PCDH15: variants seen among roughly 807,000 people sequenced by gnomAD.
The protein encoded by PCDH15 is protocadherin-15.
Under a neutral mutation model 178.5 loss-of-function variants are expected in PCDH15, and 129 were observed. The observed-to-expected ratio is 0.72, with a 90% CI of 0.63 to 0.84. PCDH15 has a LOEUF of 0.84. PCDH15 is among the 40% of genes least tolerant of loss of function. The pLI is 0.00. For missense variants in PCDH15, 2,230 were observed against 2,099.9 expected (o/e 1.06, Z -1.21); for synonymous variants, 800 against 732.0 (o/e 1.09, Z -1.50).
intron 28 of PCDH15, among the ~76,000 whole-genome samples, chr10:53,842,604 C>T (rs1487009785): frequency 6.6e-6 from 1 of 152,022 alleles, no homozygotes; most frequent in African/African-American, 2.4e-5. Flanking sequence ...AATGTGCATT[C>T]GGTGAAATAA....
chr10:55,222,504 T>G (rs531540985), intron 1 of PCDH15, among the ~76,000 whole-genome samples: 45 of 152,032 alleles, frequency 3.0e-4, no homozygotes, highest in Non-Finnish European at 4.9e-4. Flanking sequence ...CTTTTTATTT[T>G]TATTAACGTT....
At chr10:54,268,997 T>A (rs2057878472) in intron 8 of PCDH15, among the ~76,000 whole-genome samples, 1 of 151,804 alleles carries the variant, frequency 6.6e-6, no homozygotes, top group Non-Finnish European at 1.5e-5. Context: ...CTTTCAAAGA[T>A]CCTTAAAACA....
chr10:53,855,023 TTTTC>T (rs1184029088), intron 28 of PCDH15, among the ~76,000 whole-genome samples: 1 of 152,052 alleles, frequency 6.6e-6, no homozygotes, highest in Non-Finnish European at 1.5e-5. Flanking sequence ...ACTTTTGCTA[TTTTC>T]TTTTTCAGTT....
intron 2 of PCDH15, among the ~76,000 whole-genome samples, chr10:55,114,808 T>A (rs1323089742): frequency 6.6e-6 from 1 of 152,216 alleles, no homozygotes; most frequent in Non-Finnish European, 1.5e-5. Context: ...ATCTCCAAGC[T>A]ATTTTAAAAG....
intron 14 of PCDH15, among the ~76,000 whole-genome samples, chr10:54,148,784 C>A (rs1322303402): frequency 6.6e-6 from 1 of 151,158 alleles, no homozygotes; most frequent in Non-Finnish European, 1.5e-5. Context: ...CCTAACATAC[C>A]CAGTTCAAAA....
At chr10:54,612,542 G>C (rs1306419966) in intron 2 of PCDH15, among the ~76,000 whole-genome samples, 1 of 151,586 alleles carries the variant, frequency 6.6e-6, no homozygotes, top group Non-Finnish European at 1.5e-5. Flanking sequence ...GATATAACCA[G>C]CAAAGTCAAG....
intron 5 of PCDH15, among the ~76,000 whole-genome samples, chr10:54,354,280 C>T (rs11004253): frequency 0.086 from 13,057 of 152,176 alleles, 742 homozygotes; most frequent in Middle Eastern, 0.18. Context: ...CCACTGTGCC[C>T]GGCCCATATG....
chr10:55,391,453 G>GT (rs1488920443), intron 2 of PCDH15, among the ~76,000 whole-genome samples: 1 of 151,426 alleles, frequency 6.6e-6, no homozygotes, highest in Non-Finnish European at 1.5e-5. Flanking sequence ...TTGCTTTCTT[G>GT]TTTTTCTTGC....
intron 13 of PCDH15, among the ~76,000 whole-genome samples, chr10:54,168,001 C>T (rs961129102): frequency 1.3e-5 from 2 of 151,858 alleles, no homozygotes; most frequent in African/African-American, 2.4e-5. Context: ...GGCTTGCTTC[C>T]TTGACTATAG....
At chr10:54,635,537 G>A (rs970488831) in intron 2 of PCDH15, among the ~76,000 whole-genome samples, 3 of 151,776 alleles carry the variant, frequency 2.0e-5, no homozygotes, top group Admixed American at 6.6e-5. Flanking sequence ...ACTCTAAGTT[G>A]TTAATCACAT....
intron 1 of PCDH15, among the ~76,000 whole-genome samples, chr10:54,786,715 A>T (rs1950909036): frequency 6.6e-6 from 1 of 151,932 alleles, no homozygotes; most frequent in Admixed American, 6.6e-5. Context: ...ATGTCAATAC[A>T]ATGAAATGAC....
At chr10:54,788,445 T>G (rs764094333) in intron 1 of PCDH15, among the ~76,000 whole-genome samples, 43 of 151,900 alleles carry the variant, frequency 2.8e-4, no homozygotes, top group Non-Finnish European at 5.4e-4. Context: ...GATACAATTT[T>G]AGCTGCCATC....
chr10:54,028,024 A>T (rs1473292631), intron 18 of PCDH15, among the ~76,000 whole-genome samples: 1 of 150,920 alleles, frequency 6.6e-6, no homozygotes, highest in Admixed American at 6.6e-5. Flanking sequence ...ATGGGAGAAA[A>T]TTTTTGCAAC....
intron 11 of PCDH15, among the ~76,000 whole-genome samples, chr10:54,191,061 T>C (rs1195831111): frequency 6.6e-6 from 1 of 152,192 alleles, no homozygotes; most frequent in Non-Finnish European, 1.5e-5. Flanking sequence ...TAATGCAACA[T>C]CATTAGCATC....
chr10:54,843,198 A>G (rs1953448593), intron 3 of PCDH15, among the ~76,000 whole-genome samples: 1 of 151,914 alleles, frequency 6.6e-6, no homozygotes, highest in Admixed American at 6.6e-5. Flanking sequence ...CATGAACTTT[A>G]GGGAGAACTG....
chr10:54,772,275 C>T (rs941620574), intron 1 of PCDH15, among the ~76,000 whole-genome samples: 3 of 152,134 alleles, frequency 2.0e-5, no homozygotes, highest in African/African-American at 2.4e-5. Context: ...ATTAAATGCA[C>T]GTTCTCAGGC....
At chr10:54,233,133 A>G (rs757904050) in intron 9 of PCDH15, among the ~76,000 whole-genome samples, 9 of 151,826 alleles carry the variant, frequency 5.9e-5, no homozygotes, top group Non-Finnish European at 1.3e-4. Flanking sequence ...TTGTAGAGAC[A>G]GGGTTTCGCC....
At chr10:54,686,913 T>A (rs557283764) in intron 1 of PCDH15, among the ~76,000 whole-genome samples, 1 of 150,754 alleles carries the variant, frequency 6.6e-6, no homozygotes, top group East Asian at 1.9e-4. Flanking sequence ...ACTTTATTTT[T>A]GAAACTCCTG....
intron 3 of PCDH15, among the ~76,000 whole-genome samples, chr10:54,407,127 A>G (rs1031554085): frequency 4.6e-5 from 7 of 152,276 alleles, no homozygotes; most frequent in East Asian, 1.9e-4. Context: ...AGTGCTCAAT[A>G]TCCACTGATA....
Sources: allele counts gnomAD v4.1 joint callset (sites outside exome capture counted in the v4.1 genomes callset), GRCh38; gene constraint gnomAD v4.1.1; transcripts MANE v1.5; gene names NCBI Gene and HGNC (gene_info 2026-07-23, HGNC 2026-07-21).